SLC17A5: variants seen among roughly 807,000 people sequenced by gnomAD.
SLC17A5 encodes sialin.
In SLC17A5, 47 loss-of-function variants were observed where a neutral mutation model predicts 59.4. That is an observed-to-expected ratio of 0.79 (90% CI 0.63 to 1.01). The LOEUF (loss-of-function observed/expected upper bound fraction) is 1.01. Ranked by LOEUF, SLC17A5 falls within the 50% of genes least tolerant of loss-of-function variation. The pLI is 0.00. For missense variants in SLC17A5, 522 were observed against 595.5 expected (o/e 0.88, Z 1.28); for synonymous variants, 202 against 210.7 (o/e 0.96, Z 0.36).
chr6:73,638,305 A>C lies in SLC17A5; in HGVS notation c.613+107T>G, dbSNP rs189036369. ...TACCGAAACTTAATGTTCTCCCCAA[A>C]GGGGCATCCAATCCAACATTGCATC... On this transcript the variant is annotated intron_variant, in intron 4 of 10. Coordinates refer to ENST00000355773, the MANE Select transcript of SLC17A5 (RefSeq NM_012434.5). 1.0e-4 allele frequency: 81 copies of C among 797,480 alleles called. 1 individual carries two copies. In the African/African-American group the frequency reaches 1.2e-3, roughly 11 times the overall value. 49.4% of individuals were successfully genotyped at this position (797,480 alleles called of 1,614,324 possible). A position where few individuals can be genotyped will look rare whatever the true frequency, so the allele number is the denominator to read the frequency against.
At chr6:73,652,588 T>TATAGAAATAA (rs1769921844) in intron 1 of SLC17A5, among the ~76,000 whole-genome samples, 1 of 152,254 alleles carries the variant, frequency 6.6e-6, no homozygotes, top group African/African-American at 2.4e-5. Flanking sequence ...AACTTTTATT[T>TATAGAAATAA]CTGTATTTCT....
intron 10 of SLC17A5, 33 bp downstream of exon 10, chr6:73,600,318 C>T (rs750247836): frequency 6.6e-7 from 1 of 1,504,742 alleles, no homozygotes; most frequent in Non-Finnish European, 9.2e-7. Context: ...AGCTCCAAAA[C>T]CTTTCCAGTT....
chr6:73,635,887 C>T (rs949384992), intron 5 of SLC17A5, among the ~76,000 whole-genome samples: 3 of 151,918 alleles, frequency 2.0e-5, no homozygotes, highest in Admixed American at 6.6e-5. Flanking sequence ...ACTACAGGCA[C>T]GTGCCACCAC....
At chr6:73,599,005 AC>A (rs1276830780) in intron 10 of SLC17A5, among the ~76,000 whole-genome samples, 7 of 150,712 alleles carry the variant, frequency 4.6e-5, no homozygotes, top group Non-Finnish European at 7.4e-5. Flanking sequence ...ACCAAAAAAC[AC>A]ACACACACAC....
At chr6:73,622,935 A>G (rs1768219309) in intron 6 of SLC17A5, among the ~76,000 whole-genome samples, 1 of 152,248 alleles carries the variant, frequency 6.6e-6, no homozygotes, top group Non-Finnish European at 1.5e-5. Context: ...GGAGTATGTC[A>G]GGTGATTACA....
intron 6 of SLC17A5, among the ~76,000 whole-genome samples, chr6:73,627,081 T>G (rs1469932304): frequency 6.8e-6 from 1 of 146,858 alleles, no homozygotes; most frequent in Non-Finnish European, 1.5e-5. Context: ...CAGAACTAAT[T>G]TTTTTTTTTT....
At chr6:73,629,619 A>T (rs1473796070) in intron 6 of SLC17A5, among the ~76,000 whole-genome samples, 1 of 151,668 alleles carries the variant, frequency 6.6e-6, no homozygotes, top group Admixed American at 6.6e-5. Context: ...CTAAAAATAC[A>T]AAAAAATTAG....
rs1452930917 is a variant in SLC17A5 at position 73,594,832 on chromosome 6, T to C, written c.*245A>G. On this transcript the variant is annotated 3_prime_UTR_variant, in exon 11 of 11. Coordinates refer to ENST00000355773, the MANE Select transcript of SLC17A5 (RefSeq NM_012434.5). Reference sequence around the variant, plus strand: ...TCAACAGAACTGTCCTACTTCATGTTGCCCGACTAGCAGGCAGGTATGTGA... The same window carrying C: ...TCAACAGAACTGTCCTACTTCATGTCGCCCGACTAGCAGGCAGGTATGTGA... The C allele has an allele frequency of 2.0e-6, 1 of 507,234 alleles. No homozygotes were observed. The highest frequency in any genetic ancestry group is 1.9e-5 in the African/African-American group (1 of 51,878). 31.4% of individuals were successfully genotyped at this position (507,234 alleles called of 1,614,324 possible).
chr6:73,616,743 C>T (rs979246992), intron 7 of SLC17A5, among the ~76,000 whole-genome samples: 1 of 151,676 alleles, frequency 6.6e-6, no homozygotes, highest in Admixed American at 6.6e-5. Flanking sequence ...TGAGTAGCTA[C>T]GATTGCAGGC....
In SLC17A5 at chr6:73,644,399, G is replaced by T. The variant is rs766856558; in HGVS notation, c.291+8C>A. 17 of 1,606,686 alleles carry T rather than the reference G, an allele frequency of 1.1e-5. No homozygotes were observed. The South Asian group carries it at 1.9e-4, about 18-fold the overall frequency. On this transcript the variant is annotated splice_region_variant and intron_variant, in intron 2 of 10. Transcript: ENST00000355773. ...ATTAAAATTGTTTCCTTAAAAAATA[G>T]CACCTACCGTTTGATTATGATGAAC...
intron 9 of SLC17A5, among the ~76,000 whole-genome samples, chr6:73,609,961 T>C (rs1391720969): frequency 2.0e-5 from 3 of 152,140 alleles, no homozygotes; most frequent in African/African-American, 4.8e-5. Flanking sequence ...GTGCTAGTTA[T>C]GAAACAATGT....
At chr6:73,619,908 G>A (rs1768057106) in intron 7 of SLC17A5, among the ~76,000 whole-genome samples, 1 of 147,030 alleles carries the variant, frequency 6.8e-6, no homozygotes, top group Non-Finnish European at 1.5e-5. Flanking sequence ...TTGTTAATAT[G>A]ATTTTGAGAA....
intron 3 of SLC17A5, among the ~76,000 whole-genome samples, chr6:73,639,552 G>A (rs916770089): frequency 6.6e-6 from 1 of 152,158 alleles, no homozygotes; most frequent in Non-Finnish European, 1.5e-5. Flanking sequence ...GAGATGTTTG[G>A]AAATGCCCAC....
chr6:73,601,337 C>G (rs1331329666), intron 9 of SLC17A5, among the ~76,000 whole-genome samples: 1 of 143,296 alleles, frequency 7.0e-6, no homozygotes, highest in African/African-American at 2.6e-5. Flanking sequence ...TGAGGAGCCC[C>G]TCTGCCCGGC....
intron 8 of SLC17A5, among the ~76,000 whole-genome samples, chr6:73,612,255 C>T (rs478836): frequency 0.42 from 63,197 of 151,528 alleles, 14,004 homozygotes; most frequent in African/African-American, 0.57. Flanking sequence ...CTCTGCCTCC[C>T]AGGTTCAAGC....
At chr6:73,635,596 A>C in intron 5 of SLC17A5, 96 bp from the exon 6 acceptor site, 1 of 647,720 alleles carries the variant, frequency 1.5e-6, no homozygotes, top group African/African-American at 1.8e-5. Context: ...ACCAACAACA[A>C]TTTTTACATG....
chr6:73,619,728 T>C (rs2150096858), intron 7 of SLC17A5, among the ~76,000 whole-genome samples: 1 of 152,232 alleles, frequency 6.6e-6, no homozygotes, highest in South Asian at 2.1e-4. Context: ...TAAACCTTTT[T>C]GTCTATGAAA....
intron 6 of SLC17A5, among the ~76,000 whole-genome samples, chr6:73,623,414 CA>C (rs1405225521): frequency 6.6e-6 from 1 of 152,000 alleles, no homozygotes; most frequent in Non-Finnish European, 1.5e-5. Flanking sequence ...CAGCTCACTG[CA>C]ACCTCTGCCT....
At chr6:73,621,291 G>A (rs979200000) in intron 7 of SLC17A5, among the ~76,000 whole-genome samples, 5 of 152,000 alleles carry the variant, frequency 3.3e-5, no homozygotes, top group Non-Finnish European at 5.9e-5. Flanking sequence ...AGGCGTGAGC[G>A]ACCGCGCCTG....
Sources: allele counts gnomAD v4.1 joint callset (sites outside exome capture counted in the v4.1 genomes callset), GRCh38; gene constraint gnomAD v4.1.1; transcripts MANE v1.5; gene names NCBI Gene and HGNC (gene_info 2026-07-23, HGNC 2026-07-21).